PCDH19: variants seen among roughly 807,000 people sequenced by gnomAD.
PCDH19 encodes protocadherin 19.
In PCDH19, 6 loss-of-function variants were observed where a neutral mutation model predicts 46.2. That is an observed-to-expected ratio of 0.13 (90% confidence interval 0.07 to 0.26). The LOEUF (loss-of-function observed/expected upper bound fraction) is 0.26, where lower values mean the gene tolerates loss of function less well. PCDH19 is among the 10% of genes least tolerant of loss of function. The pLI is 1.00. For synonymous variants in PCDH19, 481 were observed against 415.7 expected (o/e 1.16, Z -1.91); for missense variants, 740 against 972.3 (o/e 0.76, Z 3.18).
At chrX:100,322,385 T>C (rs1925520138) in intron 5 of PCDH19, among the ~76,000 whole-genome samples, 1 of 111,069 alleles carries the variant, frequency 9.0e-6, no homozygotes, top group Non-Finnish European at 1.9e-5. Context: ...TGTTAAGTAT[T>C]TGGGTTTATT....
chrX:100,360,800 G>A (rs980277538), intron 3 of PCDH19, among the ~76,000 whole-genome samples: 4 of 111,914 alleles, frequency 3.6e-5, no homozygotes, highest in Non-Finnish European at 7.5e-5. Context: ...GCAAATCAGC[G>A]TTGGAGGCAA....
At chrX:100,381,465 C>A (rs1927550329) in intron 3 of PCDH19, among the ~76,000 whole-genome samples, 1 of 111,917 alleles carries the variant, frequency 8.9e-6, no homozygotes. Context: ...AAATTAATTT[C>A]ATTTGAGGTT....
chrX:100,311,116 G>T (rs1217957266), intron 5 of PCDH19, among the ~76,000 whole-genome samples: 1 of 110,965 alleles, frequency 9.0e-6, no homozygotes, highest in Non-Finnish European at 1.9e-5. Context: ...GAGTAGCAGG[G>T]TTTACAGGAG....
intron 3 of PCDH19, among the ~76,000 whole-genome samples, chrX:100,389,710 TAATA>T (rs1177125568): frequency 3.6e-5 from 4 of 111,596 alleles, no homozygotes; most frequent in Non-Finnish European, 7.5e-5. Context: ...AAAAACAAAT[TAATA>T]AATATAGGTT....
chrX:100,332,832 T>C (rs1386416007), intron 5 of PCDH19, among the ~76,000 whole-genome samples: 1 of 107,849 alleles, frequency 9.3e-6, no homozygotes, highest in African/African-American at 3.4e-5. Flanking sequence ...CTGGGAAACA[T>C]AGCAAAATCC....
Position 100,296,636 on chromosome X carries a change from T to C in PCDH19, c.3088A>G (p.Arg1030Gly). ...GTCCTCTTGCCTTTCAGGGTAGGCC[T>C]CTCCTCAGCCGGGTGGTCGCTGACA... The part of the protein sequence containing the change: ...KDVSDHPAEE[R>G]PTLKGKRTVD... The change falls in exon 6 of 6, where the codon AGG (arginine) becomes GGG (glycine). Residue 1030 changes from arginine (R) to glycine (G), a missense_variant. Arg to Gly is a moderately radical substitution (Grantham distance 125). This residue lies in a region of PCDH19 where 416 missense variants were observed against 476.8 expected (regional missense o/e 0.87). Coordinates refer to ENST00000373034, the MANE Select transcript of PCDH19 (RefSeq NM_001184880.2). 1 of 1,211,310 alleles carries C rather than the reference T, an allele frequency of 8.3e-7. No homozygotes were observed. The highest frequency in any genetic ancestry group is 1.8e-5 in the South Asian group (1 of 56,926).
chrX:100,311,011 T>TAA (rs751135333), intron 5 of PCDH19, among the ~76,000 whole-genome samples: 8 of 95,167 alleles, frequency 8.4e-5, no homozygotes, highest in South Asian at 4.9e-4. Flanking sequence ...CCTGGCTAAT[T>TAA]AAAAAAAAAA....
intron 5 of PCDH19, among the ~76,000 whole-genome samples, chrX:100,311,226 G>A (rs926980735): frequency 1.8e-5 from 2 of 111,170 alleles, no homozygotes; most frequent in Non-Finnish European, 3.8e-5. Context: ...GGAAAATAAG[G>A]AAACTGCTAG....
Position 100,341,054 on chromosome X carries a change from A to G in PCDH19, c.2848+849T>C, listed in dbSNP as rs139021267. ...GCTGTTTGCATAGCATGTTTGCATC[A>G]GTAAAATATTGAAAATGACATTTGT... On this transcript the variant is annotated intron_variant, in intron 5 of 5. Transcript: ENST00000373034. 6.2e-4 allele frequency among the ~76,000 whole-genome samples: 70 copies of G among 112,106 alleles called. No individual in the cohort carries two copies. In the East Asian group the frequency reaches 0.019, roughly 31 times the overall value.
chrX:100,321,504 A>G (rs1473393676), intron 5 of PCDH19, among the ~76,000 whole-genome samples: 1 of 111,376 alleles, frequency 9.0e-6, no homozygotes, highest in Non-Finnish European at 1.9e-5. Flanking sequence ...TTTCATTTGC[A>G]TTTCCCTGAT....
chrX:100,348,943 G>A (rs1337559350), intron 4 of PCDH19, among the ~76,000 whole-genome samples: 1 of 102,597 alleles, frequency 9.7e-6, no homozygotes, highest in Non-Finnish European at 2.0e-5. Context: ...TTTTGGTAGA[G>A]ATGGTGGGGG....
Position 100,322,526 on chromosome X carries a change from GTTTTT to G in PCDH19, c.2848+19372_2848+19376del, listed in dbSNP as rs1267204867. Among the ~76,000 whole-genome samples, 16 of 109,600 alleles carry G rather than the reference GTTTTT, an allele frequency of 1.5e-4. No homozygotes were observed. In the South Asian group the frequency reaches 6.0e-3, roughly 41 times the overall value. On this transcript the variant is annotated intron_variant, in intron 5 of 5. Transcript: ENST00000373034. ...GTGATTCCTCCAGATTTGTTTTTTT[GTTTTT>G]TGTTTTGTTTTGTTTTGTTTTTGCT...
chrX:100,318,998 A>AC (rs1353054425), intron 5 of PCDH19, among the ~76,000 whole-genome samples: 1 of 110,885 alleles, frequency 9.0e-6, no homozygotes, highest in African/African-American at 3.3e-5. Context: ...AAAAAAAAAA[A>AC]CCTACACATG....
At chrX:100,341,607 T>A (rs1225962977) in intron 5 of PCDH19, among the ~76,000 whole-genome samples, 1 of 112,037 alleles carries the variant, frequency 8.9e-6, no homozygotes, top group Non-Finnish European at 1.9e-5. Context: ...AGAAGGCATC[T>A]GTTCATCTCC....
chrX:100,300,023 A>C (rs940408639), intron 5 of PCDH19, among the ~76,000 whole-genome samples: 2 of 112,231 alleles, frequency 1.8e-5, no homozygotes, highest in African/African-American at 6.5e-5. Context: ...ATACAGTTAC[A>C]ATGAAGTCTA....
chrX:100,356,592 G>A (rs1926722393), intron 3 of PCDH19, among the ~76,000 whole-genome samples: 2 of 111,742 alleles, frequency 1.8e-5, no homozygotes, highest in African/African-American at 6.5e-5. Flanking sequence ...CATCCAGACA[G>A]CAGCAACTGA....
rs781128788 is a variant in PCDH19, at chrX:100,376,577, A to G, written c.2617-25873T>C. ...ATTTCAAGCTTCAGACTATGCTAGG[A>G]GTGCTGTTCACATCAAATTAGAAAT... On this transcript the variant is annotated intron_variant, in intron 3 of 5. Coordinates refer to ENST00000373034, the MANE Select transcript of PCDH19 (RefSeq NM_001184880.2). Among the ~76,000 whole-genome samples, 115 of 112,331 alleles carry G rather than the reference A, an allele frequency of 1.0e-3. 1 individual carries two copies. Among genetic ancestry groups the G allele is most frequent in the Non-Finnish European group, 1.3e-3 (68 of 53,315 alleles).
At position 100,407,751 on chromosome X, in the gene PCDH19, C is replaced by T; in HGVS notation, c.847G>A (p.Asp283Asn). The T allele has an allele frequency of 8.2e-7, 1 of 1,212,218 alleles. No individual in the cohort carries two copies. The highest frequency in any genetic ancestry group is 1.1e-6 in the Non-Finnish European group (1 of 895,621). The change falls in exon 1 of 6, where the codon GAC (aspartate) becomes AAC (asparagine). Residue 283 changes from aspartate (D) to asparagine (N), a missense_variant. By Grantham distance (23) the Asp-to-Asn change is conservative. This residue lies in a region of PCDH19 where 186 missense variants were observed against 319.9 expected (regional missense o/e 0.58). Transcript: ENST00000373034. The stretch of plus-strand genomic sequence containing the variant: ...ATCTGAAAGAGCTCGCGCGTGCGGT[C>T]GTTGACGTAGCCATAGAAGGAGTAG... ...VVYSFYGYVN[D>N]RTRELFQIDP...
At position 100,407,744 on chromosome X, in the gene PCDH19, G is replaced by A. The variant is rs1364286555; in HGVS notation, c.854C>T (p.Thr285Met). 2 of 1,212,314 alleles carry A rather than the reference G, an allele frequency of 1.6e-6. No homozygotes were observed. Among genetic ancestry groups the A allele is most frequent in the Non-Finnish European group, 1.1e-6 (1 of 895,627 alleles). ...YSFYGYVNDR[T>M]RELFQIDPHS... ...CGGGTCGATCTGAAAGAGCTCGCGC[G>A]TGCGGTCGTTGACGTAGCCATAGAA... Residue 285 changes from threonine (T) to methionine (M), a missense_variant, in exon 1 of 6, where the codon ACG becomes ATG. Physicochemically the swap from Thr to Met is moderately conservative, Grantham distance 81 (BLOSUM62 -1). Coordinates refer to ENST00000373034, the MANE Select transcript of PCDH19 (RefSeq NM_001184880.2).
Sources: allele counts gnomAD v4.1 joint callset (sites outside exome capture counted in the v4.1 genomes callset), GRCh38; gene constraint gnomAD v4.1.1; regional missense constraint gnomAD v4.1.1; transcripts MANE v1.5; gene names NCBI Gene and HGNC (gene_info 2026-07-23, HGNC 2026-07-21).